CDH12: variants seen among roughly 807,000 people sequenced by gnomAD.
The protein encoded by CDH12 is cadherin 12, also known as cadherin-12.
CDH12 carries 41 observed loss-of-function variants against 74.1 expected under a neutral mutation model. The observed-to-expected ratio is 0.55, with a 90% CI of 0.43 to 0.72. CDH12 has a LOEUF of 0.72. Ranked by LOEUF, CDH12 falls within the 30% of genes least tolerant of loss-of-function variation. CDH12 has a pLI of 0.00. For missense variants in CDH12, 945 were observed against 977.2 expected (o/e 0.97, Z 0.44); for synonymous variants, 399 against 355.0 (o/e 1.12, Z -1.39).
chr5:22,235,050 A>G (rs1752515618), intron 3 of CDH12, among the ~76,000 whole-genome samples: 2 of 152,190 alleles, frequency 1.3e-5, no homozygotes, highest in South Asian at 2.1e-4. Flanking sequence ...ATGTTTGACT[A>G]TCGTAAAGAA....
At chr5:22,105,232 C>T (rs1353707052) in intron 4 of CDH12, among the ~76,000 whole-genome samples, 5 of 150,676 alleles carry the variant, frequency 3.3e-5, no homozygotes, top group Non-Finnish European at 7.4e-5. Flanking sequence ...ACTGGGATTA[C>T]AGGCATGCAC....
At chr5:22,413,651 A>C (rs1022651481) in intron 2 of CDH12, among the ~76,000 whole-genome samples, 1 of 152,070 alleles carries the variant, frequency 6.6e-6, no homozygotes, top group Non-Finnish European at 1.5e-5. Flanking sequence ...GCTATGGCAT[A>C]TGGGCTTAAG....
chr5:21,948,485 G>A (rs1755678889), intron 6 of CDH12, among the ~76,000 whole-genome samples: 1 of 152,158 alleles, frequency 6.6e-6, no homozygotes, highest in South Asian at 2.1e-4. Flanking sequence ...ATTTGGAATG[G>A]GAGCATTTAT....
intron 1 of CDH12, among the ~76,000 whole-genome samples, chr5:22,739,547 C>T (rs1744915089): frequency 6.6e-6 from 1 of 151,896 alleles, no homozygotes; most frequent in Non-Finnish European, 1.5e-5. Context: ...AGTAGTCTAC[C>T]TTATTGTTGT....
intron 5 of CDH12, among the ~76,000 whole-genome samples, chr5:22,075,793 G>A (rs1474772549): frequency 6.6e-6 from 1 of 152,042 alleles, no homozygotes; most frequent in Non-Finnish European, 1.5e-5. Context: ...TTGTCCAATG[G>A]TGAACTGTAG....
Position 22,520,304 on chromosome 5 carries a change from A to G in CDH12, c.-522-14940T>C, listed in dbSNP as rs139734219. Among the ~76,000 whole-genome samples the G allele has an allele frequency of 6.2e-3, 950 of 152,306 alleles. 9 individuals are homozygous for G. The highest frequency in any genetic ancestry group is 0.022 in the African/African-American group (895 of 41,574). ...TATATGATGGAAGCTTGACATTTATATAAGACAGGGATTGGTAGAGTTGCA... is the reference window on the plus strand; with the variant it reads ...TATATGATGGAAGCTTGACATTTATGTAAGACAGGGATTGGTAGAGTTGCA... On this transcript the variant is annotated intron_variant, in intron 1 of 14. Coordinates refer to ENST00000382254, the MANE Select transcript of CDH12 (RefSeq NM_004061.5).
intron 3 of CDH12, among the ~76,000 whole-genome samples, chr5:22,323,408 G>T (rs890934955): frequency 1.2e-4 from 18 of 152,026 alleles, no homozygotes; most frequent in African/African-American, 4.1e-4. Context: ...ATTGGAGAAG[G>T]ATTACTTTTA....
At chr5:22,601,673 C>G (rs1365409253) in intron 1 of CDH12, among the ~76,000 whole-genome samples, 1 of 151,900 alleles carries the variant, frequency 6.6e-6, no homozygotes, top group Non-Finnish European at 1.5e-5. Flanking sequence ...ACTTTCTTTA[C>G]GTGTGTAATT....
intron 1 of CDH12, among the ~76,000 whole-genome samples, chr5:22,798,936 A>G (rs960095095): frequency 1.8e-4 from 28 of 152,194 alleles, no homozygotes; most frequent in African/African-American, 6.5e-4. Context: ...CCAGCATGAC[A>G]AGAAACCCCA....
intron 3 of CDH12, among the ~76,000 whole-genome samples, chr5:22,369,182 G>A (rs552107915): frequency 1.3e-4 from 20 of 152,104 alleles, no homozygotes; most frequent in Admixed American, 7.9e-4. Context: ...AACATCTTTT[G>A]AAATTTGATG....
chr5:22,191,355 T>C (rs1018546574), intron 4 of CDH12, among the ~76,000 whole-genome samples: 4 of 152,142 alleles, frequency 2.6e-5, no homozygotes, highest in African/African-American at 9.7e-5. Context: ...AGCTTTTTTG[T>C]TAATCATTTC....
intron 8 of CDH12, among the ~76,000 whole-genome samples, chr5:21,840,430 AT>A (rs200209303): frequency 0.31 from 45,178 of 147,622 alleles, 10,098 homozygotes; most frequent in African/African-American, 0.64. Context: ...AAGATTTGTA[AT>A]TTTTTTTTTT....
intron 5 of CDH12, among the ~76,000 whole-genome samples, chr5:22,015,213 AAG>A (rs1737527869): frequency 6.6e-6 from 1 of 152,192 alleles, no homozygotes; most frequent in Admixed American, 6.5e-5. Context: ...GGAAAAAGGA[AAG>A]AGGAGGTTTT....
chr5:21,965,481 G>T (rs1251941202), intron 6 of CDH12, among the ~76,000 whole-genome samples: 1 of 151,820 alleles, frequency 6.6e-6, no homozygotes, highest in Non-Finnish European at 1.5e-5. Context: ...AAATTAACAT[G>T]GTTGACAGTT....
chr5:22,597,359 C>T (rs904762038), intron 1 of CDH12, among the ~76,000 whole-genome samples: 5 of 152,160 alleles, frequency 3.3e-5, no homozygotes, highest in Non-Finnish European at 7.4e-5. Context: ...TTTAACCAGG[C>T]TCCACATATC....
intron 3 of CDH12, chr5:22,278,164 T>C (rs1239276076): frequency 6.6e-6 from 1 of 152,196 alleles, no homozygotes; most frequent in Non-Finnish European, 1.5e-5. Context: ...ATATTGTAGC[T>C]AAAAACAAAA....
At chr5:22,030,565 A>G (rs898079340) in intron 5 of CDH12, among the ~76,000 whole-genome samples, 1 of 152,224 alleles carries the variant, frequency 6.6e-6, no homozygotes, top group African/African-American at 2.4e-5. Flanking sequence ...TTTCATTTAT[A>G]TAGCACAGGC....
At chr5:22,238,396 T>C (rs944974363) in intron 3 of CDH12, among the ~76,000 whole-genome samples, 1 of 152,154 alleles carries the variant, frequency 6.6e-6, no homozygotes, top group Non-Finnish European at 1.5e-5. Context: ...GGATAAGAAC[T>C]CAAATGGATA....
At chr5:22,353,861 A>C (rs111852264) in intron 3 of CDH12, among the ~76,000 whole-genome samples, 2 of 152,192 alleles carry the variant, frequency 1.3e-5, no homozygotes, top group Admixed American at 6.5e-5. Flanking sequence ...CAATGCATCA[A>C]GTGTCTGCAA....
Sources: allele counts gnomAD v4.1 joint callset (sites outside exome capture counted in the v4.1 genomes callset), GRCh38; gene constraint gnomAD v4.1.1; transcripts MANE v1.5; gene names NCBI Gene and HGNC (gene_info 2026-07-23, HGNC 2026-07-21).